Variants in VPS8 observed in about 807,000 individuals in gnomAD.
The protein encoded by VPS8 is VPS8 subunit of CORVET complex.
A neutral mutation model predicts 216.4 loss-of-function variants in VPS8; 129 were observed. The observed-to-expected ratio is 0.60, with a 90% confidence interval of 0.52 to 0.69. The LOEUF (loss-of-function observed/expected upper bound fraction) is 0.69. VPS8 is among the 30% of genes least tolerant of loss of function. VPS8 has a pLI of 0.00. For synonymous variants in VPS8, 571 were observed against 565.4 expected, an observed-to-expected ratio of 1.01 and a Z score of -0.14; for missense variants, 1,531 against 1,683.5, an observed-to-expected ratio of 0.91 and a Z score of 1.59.
chr3:184,816,754 G>A (rs1268984891), intron 1 of VPS8, among the ~76,000 whole-genome samples: 6 of 152,166 alleles, frequency 3.9e-5, no homozygotes, highest in Admixed American at 6.5e-5. Context: ...ACTGCATGGC[G>A]TTTGTTATTT....
intron 30 of VPS8, 118 bp downstream of exon 30, chr3:184,925,099 C>T (rs1739343833): frequency 1.5e-6 from 2 of 1,373,398 alleles, no homozygotes; most frequent in African/African-American, 1.5e-5. Flanking sequence ...CAAGGAGAGG[C>T]CTGTTCAGGT....
At chr3:184,983,825 A>G (rs1022012424) in intron 42 of VPS8, among the ~76,000 whole-genome samples, 2 of 136,778 alleles carry the variant, frequency 1.5e-5, no homozygotes, top group African/African-American at 2.7e-5. Context: ...ATATGATGCC[A>G]TTAGTCTTTA....
intron 16 of VPS8, among the ~76,000 whole-genome samples, chr3:184,864,087 T>C (rs1451522751): frequency 4.0e-5 from 6 of 148,994 alleles, no homozygotes; most frequent in Non-Finnish European, 5.9e-5. Flanking sequence ...TTATGGGGAA[T>C]CAGATTTACT....
chr3:184,908,705 CAAG>C (rs2109036545), intron 25 of VPS8, among the ~76,000 whole-genome samples: 1 of 152,262 alleles, frequency 6.6e-6, no homozygotes, highest in South Asian at 2.1e-4. Context: ...GTCCAGCATC[CAAG>C]AAGAATGAGG....
chr3:184,945,593 T>C lies in VPS8; in HGVS notation c.3035+5350T>C, dbSNP rs1009042382. Among the ~76,000 whole-genome samples the C allele has an allele frequency of 9.2e-5, 14 of 152,300 alleles. No individual in the cohort carries two copies. In the South Asian group the frequency reaches 2.3e-3, roughly 25 times the overall value. ...CTCTACCTCTTCTCTGTCTCTTATA[T>C]GTGATTTTTCTTCTTGTCTTTACCC... On this transcript the variant is annotated intron_variant, in intron 36 of 47. Transcript: ENST00000625842.
At position 184,999,726 on chromosome 3, in the gene VPS8, A is replaced by G. The variant is rs759214227; in HGVS notation, c.3867A>G (p.Leu1289=). The change falls in exon 45 of 48, where the codon CTA becomes CTG. Residue 1289 remains leucine, a synonymous_variant. Coordinates refer to ENST00000625842, the MANE Select transcript of VPS8 (RefSeq NM_001009921.3). The part of the protein sequence containing the change: ...SCGHLYHSFC[L]QNKECTVEFE... The stretch of plus-strand genomic sequence containing the variant: ...GCCATTTGTATCACTCATTCTGCCT[A>G]CAAAACAAAGAATGCACTGTGGAAT... The G allele has an allele frequency of 7.4e-6, 12 of 1,612,710 alleles. No individual in the cohort carries two copies. The highest frequency in any genetic ancestry group is 1.3e-5 in the African/African-American group (1 of 74,886).
chr3:184,952,544 G>T (rs1403329541), intron 36 of VPS8, among the ~76,000 whole-genome samples: 1 of 90,300 alleles, frequency 1.1e-5, no homozygotes. Flanking sequence ...GCAGTTCAAG[G>T]GAGGGGTAAA....
At chr3:185,009,343 A>AT (rs1037997904) in intron 45 of VPS8, among the ~76,000 whole-genome samples, 16 of 149,356 alleles carry the variant, frequency 1.1e-4, no homozygotes, top group South Asian at 4.3e-4. Context: ...ATACAATACC[A>AT]TTTTTTTTAC....
intron 22 of VPS8, among the ~76,000 whole-genome samples, chr3:184,887,987 A>C (rs927500401): frequency 1.4e-5 from 2 of 146,560 alleles, no homozygotes; most frequent in Non-Finnish European, 3.0e-5. Context: ...TGAGAACATT[A>C]CTTTTTTTTT....
At chr3:185,037,079 A>T (rs1432258710) in intron 46 of VPS8, among the ~76,000 whole-genome samples, 19 of 130,016 alleles carry the variant, frequency 1.5e-4, no homozygotes, top group South Asian at 9.5e-4. Context: ...TTTTTTTTTT[A>T]ACATGGATTT....
At chr3:184,940,302 GAAAT>G (rs376786314) in intron 36 of VPS8, 59 bp downstream of exon 36, 1,127 of 692,720 alleles carry the variant, frequency 1.6e-3, no homozygotes, top group Admixed American at 8.1e-3. Flanking sequence ...GAAATAAAAG[GAAAT>G]AAATAAAGTT....
intron 34 of VPS8, among the ~76,000 whole-genome samples, chr3:184,935,276 C>T (rs560529054): frequency 6.6e-6 from 1 of 152,254 alleles, no homozygotes; most frequent in African/African-American, 2.4e-5. Flanking sequence ...ATTCATTCAT[C>T]GTAGCTTGTT....
intron 20 of VPS8, among the ~76,000 whole-genome samples, chr3:184,869,895 ACAGT>A (rs999266432): frequency 6.6e-6 from 1 of 152,192 alleles, no homozygotes; most frequent in African/African-American, 2.4e-5. Flanking sequence ...ATCTAAAAAA[ACAGT>A]CAGGTTATAA....
At chr3:185,034,053 C>T (rs924711249) in intron 46 of VPS8, among the ~76,000 whole-genome samples, 1 of 152,082 alleles carries the variant, frequency 6.6e-6, no homozygotes, top group African/African-American at 2.4e-5. Context: ...TACCCCCCAC[C>T]CTCTAGTATT....
intron 23 of VPS8, 87 bp downstream of exon 23, chr3:184,895,012 G>A: frequency 9.0e-7 from 1 of 1,111,630 alleles, no homozygotes; most frequent in Non-Finnish European, 1.3e-6. Flanking sequence ...GCCTGACCCT[G>A]CCTTCTAAGA....
Position 184,934,568 on chromosome 3 carries a change from G to A in VPS8, c.2899-1678G>A, listed in dbSNP as rs571532140. 1.1e-3 allele frequency among the ~76,000 whole-genome samples: 173 copies of A among 152,262 alleles called. 2 individuals are homozygous for A. The highest frequency in any genetic ancestry group is 4.0e-3 in the African/African-American group (167 of 41,562). ...CATTTCCAACATAAGTATGTTTACT[G>A]TAAGGATTTTTATGGAAGTTTTCTT... On this transcript the variant is annotated intron_variant, in intron 34 of 47. Transcript: ENST00000625842.
chr3:184,867,903 C>G, intron 17 of VPS8, 121 bp from the exon 18 acceptor site: 1 of 952,994 alleles, frequency 1.0e-6, no homozygotes, highest in Non-Finnish European at 1.6e-6. Context: ...ATACTTCTAA[C>G]TGTAGTATGA....
intron 42 of VPS8, among the ~76,000 whole-genome samples, chr3:184,991,291 A>G (rs1751866333): frequency 6.6e-6 from 1 of 152,200 alleles, no homozygotes; most frequent in Non-Finnish European, 1.5e-5. Flanking sequence ...TAGTTTGCAA[A>G]CAAACAACTT....
At chr3:184,854,591 A>G (rs1054161982) in intron 13 of VPS8, among the ~76,000 whole-genome samples, 1 of 152,162 alleles carries the variant, frequency 6.6e-6, no homozygotes, top group African/African-American at 2.4e-5. Flanking sequence ...AAGTTGAAGG[A>G]TAAGTTGATT....
Sources: allele counts gnomAD v4.1 joint callset (sites outside exome capture counted in the v4.1 genomes callset), GRCh38; gene constraint gnomAD v4.1.1; transcripts MANE v1.5; gene names NCBI Gene and HGNC (gene_info 2026-07-23, HGNC 2026-07-21).